Variants in LRTM3 observed in about 807,000 individuals in gnomAD.
LRTM3 encodes the protein leucine rich repeat transmembrane protein 3.
the LRTM3 span, chr13:102,734,272 A>T: frequency 6.4e-7 from 1 of 1,551,320 alleles, no homozygotes; most frequent in Non-Finnish European, 8.7e-7. Context: ...TTGCCTCTGC[A>T]TCTGCTGTTT....
the LRTM3 span, among the ~76,000 whole-genome samples, chr13:102,755,374 C>G: frequency 6.6e-6 from 1 of 152,058 alleles, no homozygotes; most frequent in South Asian, 2.1e-4. Flanking sequence ...CCCACTATTT[C>G]CAATAGCAAA....
chr13:102,741,340 T>C, the LRTM3 span: 1 of 1,549,490 alleles, frequency 6.5e-7, no homozygotes, highest in Non-Finnish European at 8.7e-7. Context: ...TGAGGAAAGA[T>C]TCAGAATCCA....
At chr13:102,744,041 G>T in the LRTM3 span, 9 of 1,550,352 alleles carry the variant, frequency 5.8e-6, no homozygotes, top group Non-Finnish European at 7.0e-6. Context: ...ATCAATCATT[G>T]ATTTGGATGT....
the LRTM3 span, chr13:102,742,425 T>A: frequency 5.8e-6 from 9 of 1,547,464 alleles, no homozygotes; most frequent in Non-Finnish European, 7.9e-6. Context: ...TGCTGTTTCT[T>A]TGGCAGGGCA....
the LRTM3 span, chr13:102,741,488 T>C: frequency 1.3e-6 from 2 of 1,549,362 alleles, no homozygotes; most frequent in Admixed American, 3.9e-5. Context: ...TAATCCTTCT[T>C]TTCCCAATAC....
chr13:102,753,871 G>A, the LRTM3 span, among the ~76,000 whole-genome samples: 1 of 152,172 alleles, frequency 6.6e-6, no homozygotes, highest in East Asian at 1.9e-4. Context: ...TCCCATTTCT[G>A]AGTGATTAGT....
chr13:102,747,895 G>A, the LRTM3 span: 1 of 1,551,032 alleles, frequency 6.4e-7, no homozygotes, highest in Non-Finnish European at 8.7e-7. Context: ...TGACATACTT[G>A]GGCTTTTGCT....
chr13:102,735,778 A>G, the LRTM3 span: 1 of 1,543,162 alleles, frequency 6.5e-7, no homozygotes, highest in Non-Finnish European at 8.8e-7. Flanking sequence ...TTAGTGGTGG[A>G]AAACTGAATT....
At chr13:102,733,196 T>C in the LRTM3 span, 12 of 1,551,454 alleles carry the variant, frequency 7.7e-6, no homozygotes, top group South Asian at 8.3e-5. Context: ...GATCACTTGC[T>C]TTTTCATGAC....
At chr13:102,733,648 C>CT in the LRTM3 span, 3 of 1,551,290 alleles carry the variant, frequency 1.9e-6, no homozygotes, top group Non-Finnish European at 2.6e-6. Flanking sequence ...CAGGCTGAGC[C>CT]TTTTTCCCTG....
chr13:102,737,066 C>G, the LRTM3 span: 1 of 1,551,112 alleles, frequency 6.4e-7, no homozygotes, highest in Non-Finnish European at 8.7e-7. Flanking sequence ...TAGTACTTCT[C>G]TAGTTTTTGA....
At chr13:102,733,196 T>G in the LRTM3 span, 1 of 1,551,454 alleles carries the variant, frequency 6.4e-7, no homozygotes, top group Non-Finnish European at 8.7e-7. Flanking sequence ...GATCACTTGC[T>G]TTTTCATGAC....
At chr13:102,744,546 C>G in the LRTM3 span, 1 of 1,550,416 alleles carries the variant, frequency 6.4e-7, no homozygotes, top group Non-Finnish European at 8.7e-7. Flanking sequence ...GGCTCTAAAA[C>G]AGTTTCTCTA....
At chr13:102,746,770 A>G in the LRTM3 span, 1 of 1,551,220 alleles carries the variant, frequency 6.4e-7, no homozygotes, top group African/African-American at 1.4e-5. Flanking sequence ...TTTCTCTTGT[A>G]TCACTTCCAT....
the LRTM3 span, among the ~76,000 whole-genome samples, chr13:102,754,636 G>A: frequency 6.6e-6 from 1 of 152,172 alleles, no homozygotes; most frequent in African/African-American, 2.4e-5. Flanking sequence ...GGAAGCAGAA[G>A]CAGGAGAGAG....
chr13:102,742,343 C>T, the LRTM3 span: 1 of 1,548,372 alleles, frequency 6.5e-7, no homozygotes, highest in Non-Finnish European at 8.7e-7. Context: ...ATCTTTATGT[C>T]TTATGATTTT....
the LRTM3 span, chr13:102,734,032 A>G: frequency 6.4e-7 from 1 of 1,551,476 alleles, no homozygotes; most frequent in South Asian, 1.2e-5. Flanking sequence ...CTGACGGTAT[A>G]GAAAGAAAAG....
chr13:102,737,116 T>TAGAGGAAATTATCA, the LRTM3 span: 3 of 1,551,176 alleles, frequency 1.9e-6, no homozygotes, highest in Non-Finnish European at 2.6e-6. Flanking sequence ...GTGGAAGTGA[T>TAGAGGAAATTATCA]AATTGCTCTG....
At chr13:102,742,974 T>A in the LRTM3 span, 1 of 1,540,774 alleles carries the variant, frequency 6.5e-7, no homozygotes, top group Non-Finnish European at 8.8e-7. Flanking sequence ...CCATTTTTGT[T>A]TTTTTCTATT....
Sources: gnomAD v4.1 joint callset for allele counts (sites outside exome capture counted in the v4.1 genomes callset) on GRCh38, gnomAD v4.1.1 for gene constraint, MANE v1.5 for transcripts, NCBI Gene and HGNC (gene_info 2026-07-23, HGNC 2026-07-21) for gene names.